The following TFEC variants were observed in gnomAD, a reference collection of about 807,000 sequenced individuals.
The protein encoded by TFEC is class E basic helix-loop-helix protein 34.
Under a neutral mutation model 41.6 loss-of-function variants are expected in TFEC, and 31 were observed. The ratio of observed to expected loss-of-function variants is 0.74; its 90% CI spans 0.56 to 1.01. TFEC has a LOEUF of 1.01. Ranked by LOEUF, TFEC falls within the 50% of genes least tolerant of loss-of-function variation. The pLI is 0.00. For synonymous variants in TFEC, 143 were observed against 140.6 expected, an observed-to-expected ratio of 1.02 and a Z score of -0.12; for missense variants, 402 against 404.1, an observed-to-expected ratio of 0.99 and a Z score of 0.04.
At chr7:116,128,948 T>C (rs1798271920) in intron 1 of TFEC, among the ~76,000 whole-genome samples, 1 of 152,032 alleles carries the variant, frequency 6.6e-6, no homozygotes, top group Admixed American at 6.6e-5. Flanking sequence ...AGTGCAAACA[T>C]ATCAGTGCTT....
chr7:116,057,476 G>A (rs1170525419), intron 3 of TFEC, among the ~76,000 whole-genome samples: 5 of 151,686 alleles, frequency 3.3e-5, no homozygotes, highest in African/African-American at 9.7e-5. Context: ...ATAAAAAATC[G>A]GAAAGAATTC....
At chr7:116,029,722 G>A (rs1795722660) in intron 1 of TFEC, among the ~76,000 whole-genome samples, 1 of 151,866 alleles carries the variant, frequency 6.6e-6, no homozygotes, top group African/African-American at 2.4e-5. Context: ...ATGTACATGT[G>A]TATAAATATC....
intron 3 of TFEC, among the ~76,000 whole-genome samples, chr7:116,035,851 C>T (rs1246579912): frequency 2.0e-5 from 3 of 151,614 alleles, no homozygotes; most frequent in Non-Finnish European, 2.9e-5. Context: ...GAGAAAGATC[C>T]GTACCTCTGA....
intron 1 of TFEC, among the ~76,000 whole-genome samples, chr7:116,008,522 A>C (rs182716843): frequency 3.9e-5 from 6 of 152,316 alleles, no homozygotes; most frequent in Non-Finnish European, 7.3e-5. Context: ...AATAATAGGT[A>C]ACTATTAATT....
At chr7:115,948,466 T>C (rs944288258) in intron 6 of TFEC, among the ~76,000 whole-genome samples, 59 of 152,182 alleles carry the variant, frequency 3.9e-4, no homozygotes, top group African/African-American at 1.4e-3. Context: ...ACTGGCAAAC[T>C]GAATCCAGCA....
At chr7:115,996,017 G>T (rs1794352905) in intron 1 of TFEC, among the ~76,000 whole-genome samples, 1 of 152,172 alleles carries the variant, frequency 6.6e-6, no homozygotes, top group African/African-American at 2.4e-5. Flanking sequence ...CACAAAATCT[G>T]CAATTCCCAA....
At chr7:115,947,118 T>C (rs1239864329) in intron 6 of TFEC, among the ~76,000 whole-genome samples, 1 of 134,424 alleles carries the variant, frequency 7.4e-6, no homozygotes, top group African/African-American at 2.8e-5. Context: ...CCCCTTCCTG[T>C]GTCCATGTGC....
At chr7:116,059,114 C>T (rs1158897243) in intron 3 of TFEC, among the ~76,000 whole-genome samples, 1 of 151,772 alleles carries the variant, frequency 6.6e-6, no homozygotes, top group Non-Finnish European at 1.5e-5. Flanking sequence ...AACATCGACA[C>T]TCTTTTAGCA....
intron 3 of TFEC, among the ~76,000 whole-genome samples, chr7:116,039,224 CAT>C (rs1795976850): frequency 6.6e-6 from 1 of 151,906 alleles, no homozygotes; most frequent in African/African-American, 2.4e-5. Flanking sequence ...TCTATAATGT[CAT>C]ATAAGAAATA....
At chr7:116,110,708 C>G in exon 3 of TFEC, 1 of 1,496,882 alleles carries the variant, frequency 6.7e-7, no homozygotes, top group Non-Finnish European at 8.9e-7. Flanking sequence ...AGATACATAC[C>G]CTGGTAAAGG....
rs1468278154 is a variant in TFEC, at chr7:115,935,576, T to C, written c.*4975A>G. On this transcript the variant is annotated 3_prime_UTR_variant, in exon 8 of 8. Transcript: ENST00000265440. ...AGTATCATATTTAAAGAACAATATGTAACTTCTTGATTATATATAATTCTT... is the reference window on the plus strand; with the variant it reads ...AGTATCATATTTAAAGAACAATATGCAACTTCTTGATTATATATAATTCTT... The C allele has an allele frequency of 6.6e-6, 1 of 151,764 alleles. No homozygotes were observed. Among genetic ancestry groups the C allele is most frequent in the Non-Finnish European group, 1.5e-5 (1 of 67,662 alleles). 9.4% of individuals were successfully genotyped at this position (151,764 alleles called of 1,614,324 possible). A position where few individuals can be genotyped will look rare whatever the true frequency, so the allele number is the denominator to read the frequency against.
intron 1 of TFEC, among the ~76,000 whole-genome samples, chr7:115,996,045 G>A (rs1247080614): frequency 6.6e-6 from 1 of 152,184 alleles, no homozygotes; most frequent in Non-Finnish European, 1.5e-5. Flanking sequence ...TTGGTGCTGT[G>A]CTTAGCTTAC....
chr7:115,999,024 A>T (rs1173912109), intron 1 of TFEC, among the ~76,000 whole-genome samples: 1 of 152,020 alleles, frequency 6.6e-6, no homozygotes, highest in African/African-American at 2.4e-5. Context: ...AATGGCTACA[A>T]TATACACATT....
At chr7:115,951,619 C>T (rs1458795158) in intron 5 of TFEC, among the ~76,000 whole-genome samples, 1 of 152,066 alleles carries the variant, frequency 6.6e-6, no homozygotes, top group East Asian at 1.9e-4. Flanking sequence ...GCACCACACA[C>T]TTAAAGATTC....
rs1793212043 is a variant in TFEC at position 115,936,016 on chromosome 7, TCTC to T, written c.*4532_*4534del. 2 of 151,704 alleles carry T rather than the reference TCTC, an allele frequency of 1.3e-5. No individual in the cohort carries two copies. The highest frequency in any genetic ancestry group is 1.9e-4 in the East Asian group (1 of 5,168). 9.4% of individuals were successfully genotyped at this position (151,704 alleles called of 1,614,324 possible). On this transcript the variant is annotated 3_prime_UTR_variant, in exon 8 of 8. Coordinates refer to ENST00000265440, the MANE Select transcript of TFEC (RefSeq NM_012252.4). ...AATCAAAATAGCTGTTTTCGGATAA[TCTC>T]CTATACATTCAAATCTCTATGGACC...
At chr7:116,101,195 C>CG (rs200104880) in intron 3 of TFEC, among the ~76,000 whole-genome samples, 5 of 141,532 alleles carry the variant, frequency 3.5e-5, no homozygotes, top group Non-Finnish European at 6.1e-5. Flanking sequence ...CATGCCCCCC[C>CG]CCAAAAAAAA....
intron 1 of TFEC, among the ~76,000 whole-genome samples, chr7:116,127,839 A>G (rs1798247945): frequency 6.6e-6 from 1 of 151,982 alleles, no homozygotes; most frequent in Non-Finnish European, 1.5e-5. Flanking sequence ...TGGCTTATCT[A>G]TGTTGCCTTT....
At chr7:116,067,341 GC>G (rs1472057460) in intron 3 of TFEC, among the ~76,000 whole-genome samples, 2 of 152,020 alleles carry the variant, frequency 1.3e-5, no homozygotes, top group African/African-American at 4.8e-5. Flanking sequence ...GAGAATATCT[GC>G]AATGCCTCTG....
At chr7:115,973,418 A>G (rs1793225657) in intron 3 of TFEC, among the ~76,000 whole-genome samples, 1 of 152,000 alleles carries the variant, frequency 6.6e-6, no homozygotes, top group African/African-American at 2.4e-5. Context: ...TAACAATTCA[A>G]TTGCGATCTT....
Sources: allele counts gnomAD v4.1 joint callset (sites outside exome capture counted in the v4.1 genomes callset), GRCh38; gene constraint gnomAD v4.1.1; transcripts MANE v1.5; gene names NCBI Gene and HGNC (gene_info 2026-07-23, HGNC 2026-07-21).